Variants in CFAP46 observed in about 807,000 individuals in gnomAD.
The protein encoded by CFAP46 is cilia- and flagella-associated protein 46.
A neutral mutation model predicts 325.7 loss-of-function variants in CFAP46; 245 were observed. The ratio of observed to expected loss-of-function variants is 0.75; its 90% CI spans 0.68 to 0.84. The LOEUF (loss-of-function observed/expected upper bound fraction) is 0.84. Among genes scored for constraint, CFAP46 ranks in the 40% least tolerant of loss-of-function variants. The pLI, the probability that CFAP46 is intolerant of heterozygous loss-of-function variation, is 0.00. For synonymous variants in CFAP46, 1,523 were observed against 1,495.9 expected (o/e 1.02, Z -0.42); for missense variants, 3,346 against 3,543.0 (o/e 0.94, Z 1.41).
intron 26 of CFAP46, among the ~76,000 whole-genome samples, chr10:132,885,594 C>T (rs1849110196): frequency 6.7e-6 from 1 of 148,570 alleles, no homozygotes; most frequent in Non-Finnish European, 1.5e-5. Context: ...GGGGAGCACA[C>T]TCTGGGTGGG....
At chr10:132,823,145 GA>G (rs1847923237) in intron 50 of CFAP46, among the ~76,000 whole-genome samples, 1 of 141,976 alleles carries the variant, frequency 7.0e-6, no homozygotes, top group South Asian at 2.4e-4. Flanking sequence ...TCTGTGTGCT[GA>G]TGTGTGCTGT....
intron 24 of CFAP46, 90 bp from the exon 25 acceptor site, chr10:132,892,507 T>C (rs890602910): frequency 1.6e-6 from 2 of 1,224,326 alleles, no homozygotes; most frequent in African/African-American, 1.5e-5. Flanking sequence ...CTGAGCTCTG[T>C]GTTCCTCTCC....
At chr10:132,824,056 T>A (rs1198314336) in intron 50 of CFAP46, among the ~76,000 whole-genome samples, 14 of 130,128 alleles carry the variant, frequency 1.1e-4, no homozygotes, top group African/African-American at 4.4e-4. Context: ...GTGTGCTGTG[T>A]GTGCTGATGT....
intron 38 of CFAP46, among the ~76,000 whole-genome samples, 161 bp from the exon 39 acceptor site, chr10:132,857,949 G>A (rs1848667273): frequency 6.6e-6 from 1 of 152,258 alleles, no homozygotes; most frequent in African/African-American, 2.4e-5. Context: ...AGAGGTTTAA[G>A]AAGCTGGAAT....
intron 24 of CFAP46, among the ~76,000 whole-genome samples, chr10:132,896,776 C>T (rs1201649021): frequency 2.0e-5 from 3 of 152,144 alleles, no homozygotes; most frequent in African/African-American, 7.2e-5. Flanking sequence ...TCCTCAAATT[C>T]ATATGGAATT....
At chr10:132,859,323 G>T (rs1197298044) in intron 37 of CFAP46, 76 bp from the exon 38 acceptor site, 4 of 1,302,998 alleles carry the variant, frequency 3.1e-6, no homozygotes, top group Non-Finnish European at 3.1e-6. Context: ...GGCTGCCGCT[G>T]TTCTCCCCGG....
intron 25 of CFAP46, among the ~76,000 whole-genome samples, chr10:132,890,608 T>A (rs1849240780): frequency 6.6e-6 from 1 of 152,088 alleles, no homozygotes; most frequent in Non-Finnish European, 1.5e-5. Flanking sequence ...CTTCCACACT[T>A]CCGTCCTCTC....
Position 132,872,771 on chromosome 10 carries a change from G to A in CFAP46, c.4416C>T (p.Cys1472=). 1 of 1,551,026 alleles carries A rather than the reference G, an allele frequency of 6.4e-7. No homozygotes were observed. Among genetic ancestry groups the A allele is most frequent in the African/African-American group, 1.4e-5 (1 of 73,186 alleles). The change falls in exon 32 of 58, where the codon TGC becomes TGT. Residue 1472 remains cysteine (C), a synonymous_variant. Transcript: ENST00000368586. The stretch of plus-strand genomic sequence containing the variant: ...GGACGGGAACCGTGAGTTCGTGCAG[G>A]CACATCTTCTGCAGGGCCTTGACCA... The part of the protein sequence containing the change: ...DHLVKALQKM[C]LHELTVPVLQ...
intron 33 of CFAP46, 125 bp from the exon 34 acceptor site, chr10:132,867,632 G>T (rs1848836006): frequency 7.8e-7 from 1 of 1,278,870 alleles, no homozygotes; most frequent in Non-Finnish European, 1.0e-6. Flanking sequence ...TGTTTACAAA[G>T]ATTTTTAAAA....
At chr10:132,831,168 A>G (rs376865348) in intron 50 of CFAP46, among the ~76,000 whole-genome samples, 51 of 151,032 alleles carry the variant, frequency 3.4e-4, no homozygotes, top group African/African-American at 1.2e-3. Context: ...ACCCTTTCAT[A>G]TTTTTGAGGC....
At chr10:132,860,551 T>C (rs1344553404) in intron 36 of CFAP46, 28 bp from the exon 37 acceptor site, 1 of 1,489,724 alleles carries the variant, frequency 6.7e-7, no homozygotes, top group Non-Finnish European at 9.2e-7. Context: ...TGGATACGGG[T>C]GTGTCTGAGG....
In CFAP46 at chr10:132,932,940, TGCAGCTGCCCGCTAGATGAAGA is replaced by T. The variant is rs1849935612; in HGVS notation, c.866+1790_866+1811del. ...AGGAGGAGCCTGTCCATTGTGTCCC[TGCAGCTGCCCGCTAGATGAAGA>T]GCAGCCGCCCACAGTGTCTCCAGAC... On this transcript the variant is annotated intron_variant, in intron 8 of 57. Coordinates refer to ENST00000368586, the MANE Select transcript of CFAP46 (RefSeq NM_001200049.3). Among the ~76,000 whole-genome samples the T allele has an allele frequency of 2.6e-5, 4 of 152,388 alleles. No individual in the cohort carries two copies. The South Asian group carries it at 8.3e-4, about 32-fold the overall frequency.
chr10:132,899,811 G>A, intron 22 of CFAP46, 145 bp from the exon 23 acceptor site: 2 of 966,020 alleles, frequency 2.1e-6, no homozygotes, highest in Non-Finnish European at 2.9e-6. Context: ...TGTGCACAGG[G>A]CTCCGCCCTC....
rs1193497360 is a variant in CFAP46, at chr10:132,899,535, C to G, written c.3056G>C (p.Arg1019Thr). 1.3e-6 allele frequency: 2 copies of G among 1,546,276 alleles called. No homozygotes were observed. The highest frequency in any genetic ancestry group is 8.7e-7 in the Non-Finnish European group (1 of 1,145,582). Residue 1019 changes from arginine to threonine, a missense_variant and splice_region_variant, in exon 23 of 58, where the codon AGG becomes ACG. Physicochemically the swap from Arg to Thr is moderately conservative, Grantham distance 71. Transcript: ENST00000368586. ...ACCCCAGCCCCTTAGAGCCACACAC[C>G]TGGCGCTCTCCGTGAAGGCCTTGGC... ...VAAKAFTESA[R>T]FGGIAGSSAL...
At position 132,812,905 on chromosome 10, in the gene CFAP46, G is replaced by C. The variant is rs751149375; in HGVS notation, c.7389-8C>G. On this transcript the variant is annotated splice_polypyrimidine_tract_variant and splice_region_variant and intron_variant, in intron 54 of 57. Coordinates refer to ENST00000368586, the MANE Select transcript of CFAP46 (RefSeq NM_001200049.3). ...TGCTCCCACTGGGCCTGGCTGCAGAGAGAGGAGAGCGCTGGTCAACAGTGC... is the reference window on the plus strand; with the variant it reads ...TGCTCCCACTGGGCCTGGCTGCAGACAGAGGAGAGCGCTGGTCAACAGTGC... 85 of 1,603,024 alleles carry C rather than the reference G, an allele frequency of 5.3e-5. No homozygotes were observed. The highest frequency in any genetic ancestry group is 7.1e-5 in the Non-Finnish European group (84 of 1,177,482).
intron 41 of CFAP46, among the ~76,000 whole-genome samples, chr10:132,849,901 C>T (rs1236853259): frequency 1.3e-5 from 2 of 152,204 alleles, no homozygotes; most frequent in African/African-American, 4.8e-5. Context: ...AGAGCCGCTG[C>T]TGCGGGACAC....
At chr10:132,829,277 C>A (rs766722055) in intron 50 of CFAP46, among the ~76,000 whole-genome samples, 14 of 152,094 alleles carry the variant, frequency 9.2e-5, no homozygotes, top group Non-Finnish European at 1.9e-4. Flanking sequence ...AGTCTTGCAC[C>A]TTTTGTCAAA....
At chr10:132,893,900 T>C (rs1165516131) in intron 24 of CFAP46, among the ~76,000 whole-genome samples, 1 of 151,934 alleles carries the variant, frequency 6.6e-6, no homozygotes, top group Non-Finnish European at 1.5e-5. Flanking sequence ...GGTAACACGC[T>C]TTGAGGTTGC....
Position 132,885,900 on chromosome 10 carries a change from C to G in CFAP46, c.3364G>C (p.Ala1122Pro). 1.3e-6 allele frequency: 2 copies of G among 1,550,284 alleles called. No individual in the cohort carries two copies. Among genetic ancestry groups the G allele is most frequent in the Non-Finnish European group, 1.7e-6 (2 of 1,146,866 alleles). ...CCGCCCTCCCAGTCGTCCTGGTCGG[C>G]ATGGCTGTGGAAGAGCAGGCCGTAG... Reference protein sequence around the residue: ...ALYGLLFHSHADQDDWEGGLK... With the variant: ...ALYGLLFHSHPDQDDWEGGLK... Residue 1122 changes from alanine to proline, a missense_variant, in exon 26 of 58, where the codon GCC becomes CCC. By Grantham distance (27) the Ala-to-Pro change is conservative (BLOSUM62 -1). Coordinates refer to ENST00000368586, the MANE Select transcript of CFAP46 (RefSeq NM_001200049.3).
Sources: gnomAD v4.1 joint callset for allele counts (sites outside exome capture counted in the v4.1 genomes callset) on GRCh38, gnomAD v4.1.1 for gene constraint, MANE v1.5 for transcripts, NCBI Gene and HGNC (gene_info 2026-07-23, HGNC 2026-07-21) for gene names.